CHCHD6: variants seen among roughly 807,000 people sequenced by gnomAD.
The protein encoded by CHCHD6 is MICOS complex subunit MIC25.
CHCHD6 carries 28 observed loss-of-function variants against 32.3 expected under a neutral mutation model. The ratio of observed to expected loss-of-function variants is 0.87; its 90% CI spans 0.64 to 1.19. The LOEUF is 1.19. Among genes scored for constraint, CHCHD6 ranks in the 50% most tolerant of loss-of-function variants. The probability of loss-of-function intolerance (pLI) is 0.00; values close to 1 mark genes in which losing one functional copy is unlikely to be tolerated. For missense variants in CHCHD6, 333 were observed against 307.0 expected, an observed-to-expected ratio of 1.08 and a Z score of -0.63; for synonymous variants, 122 against 117.5, an observed-to-expected ratio of 1.04 and a Z score of -0.25.
intron 7 of CHCHD6, 153 bp downstream of exon 7, chr3:126,957,704 C>T: frequency 1.1e-6 from 1 of 921,238 alleles, no homozygotes. Context: ...GGATTCTTCG[C>T]TTTCCTCAGT....
chr3:126,939,516 C>T (rs2078529445), intron 6 of CHCHD6, among the ~76,000 whole-genome samples: 1 of 152,122 alleles, frequency 6.6e-6, no homozygotes, highest in Non-Finnish European at 1.5e-5. Flanking sequence ...GTGCACAATG[C>T]ACCAGGAGAT....
chr3:126,925,797 C>T (rs781084557), intron 6 of CHCHD6, among the ~76,000 whole-genome samples: 2 of 152,224 alleles, frequency 1.3e-5, no homozygotes, highest in Non-Finnish European at 2.9e-5. Flanking sequence ...AAGAGAGCCA[C>T]GGAGGGCCTG....
intron 4 of CHCHD6, among the ~76,000 whole-genome samples, chr3:126,755,466 A>G (rs565308665): frequency 1.3e-5 from 2 of 152,276 alleles, no homozygotes; most frequent in South Asian, 4.1e-4. Context: ...CACAGCAGGT[A>G]TGAGGAAGTG....
intron 4 of CHCHD6, among the ~76,000 whole-genome samples, chr3:126,752,617 A>C (rs541855711): frequency 6.6e-6 from 1 of 152,074 alleles, no homozygotes; most frequent in African/African-American, 2.4e-5. Context: ...TTGTTGGGAG[A>C]CCTGGCTTTT....
At chr3:126,940,079 C>CA (rs1385347887) in intron 6 of CHCHD6, among the ~76,000 whole-genome samples, 2 of 152,176 alleles carry the variant, frequency 1.3e-5, no homozygotes, top group Non-Finnish European at 2.9e-5. Context: ...GTAAAATATT[C>CA]AGAGTATATA....
At chr3:126,749,017 C>G (rs1002477564) in intron 4 of CHCHD6, among the ~76,000 whole-genome samples, 1 of 152,056 alleles carries the variant, frequency 6.6e-6, no homozygotes, top group African/African-American at 2.4e-5. Flanking sequence ...ACATGTGAGC[C>G]GCGACCTAGA....
chr3:126,878,024 A>G (rs2077562718), intron 5 of CHCHD6, among the ~76,000 whole-genome samples: 1 of 152,320 alleles, frequency 6.6e-6, no homozygotes, highest in African/African-American at 2.4e-5. Context: ...GGTGATTACA[A>G]GCTGTTTTAT....
intron 5 of CHCHD6, among the ~76,000 whole-genome samples, chr3:126,872,543 C>G (rs2077489919): frequency 1.3e-5 from 2 of 152,064 alleles, no homozygotes; most frequent in Non-Finnish European, 2.9e-5. Flanking sequence ...GGTTTAAGGC[C>G]CACCTTTGAG....
At chr3:126,866,083 A>G (rs973990856) in intron 5 of CHCHD6, among the ~76,000 whole-genome samples, 2 of 152,030 alleles carry the variant, frequency 1.3e-5, no homozygotes, top group African/African-American at 4.8e-5. Context: ...GAGCTGTTCA[A>G]CCTCAGAGCC....
At chr3:126,925,998 GGCCCTTGCCTCCGCTGCAGA>G (rs1315178846) in intron 6 of CHCHD6, among the ~76,000 whole-genome samples, 5 of 152,202 alleles carry the variant, frequency 3.3e-5, no homozygotes, top group Non-Finnish European at 5.9e-5. Context: ...CCATCCTGGA[GGCCCTTGCCTCCGCTGCAGA>G]GCACAGACGC....
intron 5 of CHCHD6, among the ~76,000 whole-genome samples, chr3:126,898,877 A>G (rs188447889): frequency 1.9e-4 from 29 of 152,322 alleles, no homozygotes; most frequent in Admixed American, 1.7e-3. Flanking sequence ...TCACTTTAAA[A>G]TGGTTAAATT....
intron 5 of CHCHD6, among the ~76,000 whole-genome samples, chr3:126,912,879 T>TG (rs759792767): frequency 1.1e-4 from 16 of 152,180 alleles, no homozygotes; most frequent in East Asian, 9.6e-4. Context: ...GCCTTAGAGG[T>TG]GGGGGGTCCA....
In CHCHD6 at chr3:126,733,197, A is replaced by T. The variant is rs751006103; in HGVS notation, c.386A>T (p.His129Leu). Residue 129 changes from histidine (H) to leucine (L), a missense_variant, in exon 4 of 8, where the codon CAT becomes CTT. By Grantham distance (99) the His-to-Leu change is moderately conservative (BLOSUM62 -3). Transcript: ENST00000290913. ...SLPTGEGSIS[H>L]EEQKSVRLAR... is the part of the protein sequence containing the mutation. ...CCCACGGGCGAAGGCAGCATCAGCC[A>T]TGAGGAGCAGAAGTCAGTCCGGCTG... is the stretch of plus-strand genomic sequence containing the variant. The T allele has an allele frequency of 8.1e-6, 13 of 1,614,124 alleles. No individual in the cohort carries two copies. Among genetic ancestry groups the T allele is most frequent in the Non-Finnish European group, 1.1e-5 (13 of 1,179,996 alleles).
At chr3:126,770,277 T>C (rs1419262314) in intron 4 of CHCHD6, among the ~76,000 whole-genome samples, 2 of 152,150 alleles carry the variant, frequency 1.3e-5, no homozygotes, top group African/African-American at 4.8e-5. Context: ...TGTCTGCAAA[T>C]AGGGATAATT....
chr3:126,929,938 A>T lies in CHCHD6; in HGVS notation c.566+15188A>T, dbSNP rs114721971. Among the ~76,000 whole-genome samples the T allele has an allele frequency of 6.8e-3, 1,030 of 152,326 alleles. 11 individuals are homozygous for T. Among genetic ancestry groups the T allele is most frequent in the African/African-American group, 0.024 (983 of 41,554 alleles). On this transcript the variant is annotated intron_variant, in intron 6 of 7. Coordinates refer to ENST00000290913, the MANE Select transcript of CHCHD6 (RefSeq NM_032343.3). ...GTCATTGATGAAAATGTTAAGTTGT[A>T]CAAAAATGAGGACCTCCATTAAAGC...
At chr3:126,716,259 G>A (rs114116171) in intron 1 of CHCHD6, among the ~76,000 whole-genome samples, 1 of 152,200 alleles carries the variant, frequency 6.6e-6, no homozygotes, top group Non-Finnish European at 1.5e-5. Context: ...AGACTGAGCC[G>A]TGGTGCTCCT....
At chr3:126,845,535 T>TG in intron 4 of CHCHD6, among the ~76,000 whole-genome samples, 1 of 152,304 alleles carries the variant, frequency 6.6e-6, no homozygotes, top group East Asian at 1.9e-4. Context: ...CCATATATTT[T>TG]ATTTCTTTTG....
At chr3:126,792,106 T>C (rs1425718431) in intron 4 of CHCHD6, among the ~76,000 whole-genome samples, 1 of 152,140 alleles carries the variant, frequency 6.6e-6, no homozygotes, top group African/African-American at 2.4e-5. Context: ...AGTTTGTTTA[T>C]CCATTCATCC....
At chr3:126,949,522 C>T (rs1362174436) in intron 6 of CHCHD6, 1 of 178,778 alleles carries the variant, frequency 5.6e-6, no homozygotes, top group Non-Finnish European at 1.1e-5. Flanking sequence ...GGACTGCCGC[C>T]GTGGACGGAA....
Sources: allele counts gnomAD v4.1 joint callset (sites outside exome capture counted in the v4.1 genomes callset), GRCh38; gene constraint gnomAD v4.1.1; transcripts MANE v1.5; gene names NCBI Gene and HGNC (gene_info 2026-07-23, HGNC 2026-07-21).